The following AK9 variants were observed in gnomAD, a reference collection of about 807,000 sequenced individuals.
AK9 encodes the protein adenylate kinase domain containing 1.
A neutral mutation model predicts 239.6 loss-of-function variants in AK9; 191 were observed. The observed-to-expected ratio is 0.80, with a 90% CI of 0.71 to 0.90. The LOEUF is 0.90. Among genes scored for constraint, AK9 ranks in the 40% least tolerant of loss-of-function variants. The pLI is 0.00. For synonymous variants in AK9, 689 were observed against 721.0 expected (o/e 0.96, Z 0.71); for missense variants, 1,995 against 2,214.7 (o/e 0.90, Z 1.99).
At chr6:109,632,650 G>A in intron 12 of AK9, 1 of 642,636 alleles carries the variant, frequency 1.6e-6, no homozygotes, top group South Asian at 3.3e-5. Context: ...GCTAATAGGT[G>A]GCAGAGTCTG....
At chr6:109,667,013 T>TATTG (rs1303948298) in intron 5 of AK9, among the ~76,000 whole-genome samples, 1 of 152,226 alleles carries the variant, frequency 6.6e-6, no homozygotes, top group Non-Finnish European at 1.5e-5. Flanking sequence ...GGATGCCACA[T>TATTG]ATTGACTCTA....
At chr6:109,538,545 T>G (rs1340030530) in intron 27 of AK9, among the ~76,000 whole-genome samples, 3 of 152,182 alleles carry the variant, frequency 2.0e-5, no homozygotes, top group Non-Finnish European at 4.4e-5. Flanking sequence ...CTGATGGGTC[T>G]TGACTCTTTA....
chr6:109,525,120 G>T (rs1562351927), intron 29 of AK9, among the ~76,000 whole-genome samples: 1 of 152,088 alleles, frequency 6.6e-6, no homozygotes, highest in Non-Finnish European at 1.5e-5. Context: ...ATTTACTAGG[G>T]AGTCATTTCC....
At chr6:109,652,678 T>G (rs1453430147) in intron 8 of AK9, among the ~76,000 whole-genome samples, 1 of 152,216 alleles carries the variant, frequency 6.6e-6, no homozygotes, top group Non-Finnish European at 1.5e-5. Flanking sequence ...AAAATTACTT[T>G]CTTCTTTAAT....
At chr6:109,619,315 T>C (rs1173973281) in intron 12 of AK9, 79 bp from the exon 13 acceptor site, 21 of 1,351,878 alleles carry the variant, frequency 1.6e-5, no homozygotes, top group Non-Finnish European at 1.9e-5. Context: ...TATCTATGTA[T>C]ATCTATCTAT....
chr6:109,600,746 C>A (rs1791827285), intron 17 of AK9, among the ~76,000 whole-genome samples: 1 of 152,270 alleles, frequency 6.6e-6, no homozygotes, highest in Non-Finnish European at 1.5e-5. Flanking sequence ...ATTATTGCCT[C>A]AATTTCAGAG....
intron 17 of AK9, among the ~76,000 whole-genome samples, chr6:109,597,651 G>C (rs896546175): frequency 8.6e-5 from 13 of 150,658 alleles, no homozygotes; most frequent in African/African-American, 3.2e-4. Flanking sequence ...CCAGCCTGGG[G>C]GACAGAGAGA....
At chr6:109,627,478 T>A (rs1795680119) in intron 12 of AK9, among the ~76,000 whole-genome samples, 1 of 152,202 alleles carries the variant, frequency 6.6e-6, no homozygotes, top group Non-Finnish European at 1.5e-5. Flanking sequence ...CTTTTATACA[T>A]CTGGCAGCAC....
chr6:109,619,040 C>T (rs1010213579), intron 13 of AK9, 52 bp downstream of exon 13: 50 of 1,498,326 alleles, frequency 3.3e-5, no homozygotes, highest in East Asian at 9.9e-5. Context: ...TCAAGTAGCC[C>T]GGCTTAATTT....
Position 109,528,991 on chromosome 6 carries a change from A to T in AK9, c.3633+20T>A. The T allele has an allele frequency of 6.5e-7, 1 of 1,545,958 alleles. No individual in the cohort carries two copies. Among genetic ancestry groups the T allele is most frequent in the Non-Finnish European group, 8.7e-7 (1 of 1,149,202 alleles). On this transcript the variant is annotated intron_variant, in intron 29 of 40. Transcript: ENST00000424296. ...AACAGAGTGAGACCCTGTTTTGAAAAAAAAAACAAAACTACTTACCTCCCT... is the reference window on the plus strand; with the variant it reads ...AACAGAGTGAGACCCTGTTTTGAAATAAAAAACAAAACTACTTACCTCCCT...
chr6:109,657,228 T>G (rs1023198132), intron 7 of AK9, among the ~76,000 whole-genome samples: 1 of 152,318 alleles, frequency 6.6e-6, no homozygotes, highest in African/African-American at 2.4e-5. Flanking sequence ...AAGTATTTAT[T>G]GAGTGCCTTC....
At chr6:109,639,529 T>C (rs1797137307) in intron 10 of AK9, among the ~76,000 whole-genome samples, 1 of 152,256 alleles carries the variant, frequency 6.6e-6, no homozygotes, top group African/African-American at 2.4e-5. Flanking sequence ...TTTAAGTTCT[T>C]TGTAGATTCT....
intron 17 of AK9, among the ~76,000 whole-genome samples, chr6:109,595,130 C>T (rs1393581803): frequency 1.3e-5 from 2 of 152,150 alleles, no homozygotes; most frequent in Non-Finnish European, 2.9e-5. Flanking sequence ...GGCTAATATC[C>T]AGAATCTACA....
intron 12 of AK9, among the ~76,000 whole-genome samples, chr6:109,628,932 G>C (rs1795832109): frequency 6.6e-6 from 1 of 151,960 alleles, no homozygotes; most frequent in African/African-American, 2.4e-5. Context: ...CAAAGGCCTT[G>C]TATCAGAGAG....
At chr6:109,580,766 C>A (rs572855704) in intron 19 of AK9, among the ~76,000 whole-genome samples, 6 of 152,146 alleles carry the variant, frequency 3.9e-5, no homozygotes, top group African/African-American at 1.4e-4. Flanking sequence ...TCTCTTTGCT[C>A]GTGACTCAGC....
chr6:109,559,837 A>C (rs1315049650), intron 24 of AK9, among the ~76,000 whole-genome samples: 2 of 152,298 alleles, frequency 1.3e-5, no homozygotes, highest in South Asian at 2.1e-4. Context: ...AGTTTTGGAG[A>C]TCAGAATCCC....
chr6:109,570,089 AC>A (rs1462397613), intron 21 of AK9, among the ~76,000 whole-genome samples: 1 of 152,204 alleles, frequency 6.6e-6, no homozygotes, highest in African/African-American at 2.4e-5. Flanking sequence ...ACCATGGAAT[AC>A]TATGCAGCCA....
At chr6:109,670,794 G>A (rs529060308) in intron 5 of AK9, among the ~76,000 whole-genome samples, 3 of 152,006 alleles carry the variant, frequency 2.0e-5, no homozygotes, top group Admixed American at 1.3e-4. Context: ...TGTGATTCCT[G>A]TTTGCCTTTT....
At chr6:109,633,803 ATTC>A (rs1796401101) in intron 10 of AK9, among the ~76,000 whole-genome samples, 1 of 152,220 alleles carries the variant, frequency 6.6e-6, no homozygotes, top group Non-Finnish European at 1.5e-5. Context: ...CAGTTCTTTA[ATTC>A]TTAAAATTTA....
Sources: allele counts gnomAD v4.1 joint callset (sites outside exome capture counted in the v4.1 genomes callset), GRCh38; gene constraint gnomAD v4.1.1; transcripts MANE v1.5; gene names NCBI Gene and HGNC (gene_info 2026-07-23, HGNC 2026-07-21).